The following SPTY2D1 variants were observed in gnomAD, a reference collection of about 807,000 sequenced individuals.
The protein encoded by SPTY2D1 is SPT2 chromatin protein domain containing 1.
SPTY2D1 carries 21 observed loss-of-function variants against 64.0 expected under a neutral mutation model. That is an observed-to-expected ratio of 0.33 (90% CI 0.23 to 0.47). The LOEUF is 0.47. Ranked by LOEUF, SPTY2D1 falls within the 20% of genes least tolerant of loss-of-function variation. SPTY2D1 has a pLI of 1.00. For missense variants in SPTY2D1, 724 were observed against 837.2 expected (o/e 0.86, Z 1.67); for synonymous variants, 287 against 286.8 (o/e 1.00, Z -0.01).
At chr11:18,632,080 A>G (rs866378742) in intron 1 of SPTY2D1, among the ~76,000 whole-genome samples, 3 of 151,710 alleles carry the variant, frequency 2.0e-5, no homozygotes, top group Admixed American at 2.0e-4. Context: ...CAGCAGGTGG[A>G]GGCTGCAGTG....
Position 18,624,705 on chromosome 11 carries a change from T to A in SPTY2D1, c.61-7716A>T, listed in dbSNP as rs768250000. Among the ~76,000 whole-genome samples the A allele has an allele frequency of 2.0e-5, 3 of 152,332 alleles. No individual in the cohort carries two copies. The East Asian group carries it at 5.8e-4, about 29-fold the overall frequency. On this transcript the variant is annotated intron_variant, in intron 1 of 5. Transcript: ENST00000336349. Reference sequence around the variant, plus strand: ...CTACTGTATGTTATGTTGGAATCGATAGTCAATCCCTGGCCAGGCGTGATG... The same window carrying A: ...CTACTGTATGTTATGTTGGAATCGAAAGTCAATCCCTGGCCAGGCGTGATG...
chr11:18,614,446 A>C (rs1854255157), intron 3 of SPTY2D1, 117 bp downstream of exon 3: 1 of 1,006,540 alleles, frequency 9.9e-7, no homozygotes, highest in African/African-American at 1.6e-5. Context: ...TTCTATCAAC[A>C]CTACAGCACA....
intron 5 of SPTY2D1, among the ~76,000 whole-genome samples, 189 bp downstream of exon 5, chr11:18,611,287 CA>C (rs1196835593): frequency 6.6e-6 from 1 of 151,860 alleles, no homozygotes; most frequent in East Asian, 1.9e-4. Flanking sequence ...TGTTAAAAAA[CA>C]AAAAAACAAA....
At chr11:18,618,273 T>G (rs1331172105) in intron 1 of SPTY2D1, among the ~76,000 whole-genome samples, 1 of 152,230 alleles carries the variant, frequency 6.6e-6, no homozygotes, top group Non-Finnish European at 1.5e-5. Context: ...GTAGCTCTTA[T>G]GTTCACTAAA....
intron 1 of SPTY2D1, among the ~76,000 whole-genome samples, chr11:18,625,707 C>T (rs1854484088): frequency 6.6e-6 from 1 of 151,690 alleles, no homozygotes; most frequent in Non-Finnish European, 1.5e-5. Context: ...ACTACAAGCA[C>T]ACACCACCAC....
At chr11:18,620,862 G>C (rs1306254881) in intron 1 of SPTY2D1, among the ~76,000 whole-genome samples, 1 of 147,602 alleles carries the variant, frequency 6.8e-6, no homozygotes, top group Admixed American at 6.8e-5. Flanking sequence ...ACTCCAGCCT[G>C]GGCAACAGAG....
intron 1 of SPTY2D1, among the ~76,000 whole-genome samples, chr11:18,623,170 A>C (rs1005942382): frequency 1.1e-4 from 17 of 152,188 alleles, no homozygotes; most frequent in Non-Finnish European, 2.4e-4. Flanking sequence ...AAGTTATCAC[A>C]AATTTAAAAA....
intron 1 of SPTY2D1, among the ~76,000 whole-genome samples, chr11:18,620,246 G>A (rs565899336): frequency 3.3e-5 from 5 of 152,196 alleles, no homozygotes; most frequent in East Asian, 1.9e-4. Flanking sequence ...AGGACAAGGC[G>A]GGCAGATCAC....
intron 1 of SPTY2D1, among the ~76,000 whole-genome samples, chr11:18,633,970 A>G (rs1301069228): frequency 6.6e-6 from 1 of 152,222 alleles, no homozygotes; most frequent in African/African-American, 2.4e-5. Flanking sequence ...TCCCTGTTGC[A>G]GGGGTAAATA....
At chr11:18,613,693 T>A (rs1007687384) in intron 3 of SPTY2D1, among the ~76,000 whole-genome samples, 7 of 152,210 alleles carry the variant, frequency 4.6e-5, no homozygotes, top group Non-Finnish European at 8.8e-5. Flanking sequence ...ATATTCTCCG[T>A]GGAGCCTAAC....
At position 18,608,719 on chromosome 11, in the gene SPTY2D1, G is replaced by A. The variant is rs1316581545; in HGVS notation, c.*1142C>T. On this transcript the variant is annotated 3_prime_UTR_variant, in exon 6 of 6. Transcript: ENST00000336349. ...GTCCATATTTATGACTTTAAAAAGG[G>A]TAAAAATGAGTTTCCACAGCTCAGT... 6.6e-6 allele frequency: 1 copy of A among 152,486 alleles called. No individual in the cohort carries two copies. The allele number at this position is 152,486 out of a possible 1,614,324, so 9.4% of individuals were successfully genotyped here. A position where few individuals can be genotyped will look rare whatever the true frequency, so the allele number is the denominator to read the frequency against.
chr11:18,628,229 TAA>T (rs747541476), intron 1 of SPTY2D1, among the ~76,000 whole-genome samples: 13 of 152,242 alleles, frequency 8.5e-5, no homozygotes, highest in Non-Finnish European at 1.8e-4. Flanking sequence ...CTTGCCTATA[TAA>T]AAGATTCTCA....
In SPTY2D1 at chr11:18,606,529, A is replaced by G. The variant is rs1277650336; in HGVS notation, c.*3332T>C. ...AGAAAACAAGCTAAGCTATCTAAAA[A>G]TTTTTTTAACTTGATTTGTCCATTG... On this transcript the variant is annotated 3_prime_UTR_variant, in exon 6 of 6. Coordinates refer to ENST00000336349, the MANE Select transcript of SPTY2D1 (RefSeq NM_194285.3). 1 of 201,940 alleles carries G rather than the reference A, an allele frequency of 5.0e-6. No homozygotes were observed. The highest frequency in any genetic ancestry group is 1.0e-5 in the Non-Finnish European group (1 of 99,080). The allele number at this position is 201,940 out of a possible 1,614,324, so 12.5% of individuals were successfully genotyped here. A position where few individuals can be genotyped will look rare whatever the true frequency, so the allele number is the denominator to read the frequency against.
chr11:18,627,178 C>T (rs532855438), intron 1 of SPTY2D1, among the ~76,000 whole-genome samples: 5 of 149,692 alleles, frequency 3.3e-5, no homozygotes, highest in East Asian at 3.9e-4. Flanking sequence ...TTTGGGAGGC[C>T]GAGGTGGGTG....
chr11:18,627,396 A>C (rs1854515118), intron 1 of SPTY2D1, among the ~76,000 whole-genome samples: 5 of 151,372 alleles, frequency 3.3e-5, no homozygotes, highest in Admixed American at 2.6e-4. Flanking sequence ...ATGCCATTGC[A>C]CTCCAGCCTG....
intron 1 of SPTY2D1, among the ~76,000 whole-genome samples, chr11:18,625,758 G>C (rs1323215894): frequency 2.5e-3 from 4 of 1,574 alleles, no homozygotes; most frequent in Non-Finnish European, 0.02. Flanking sequence ...GTAGAGATTG[G>C]GGGGGGGGTC....
rs912985904 is a variant in SPTY2D1 at position 18,614,711 on chromosome 11, C to T, written c.1563G>A (p.Gly521=). 1.2e-6 allele frequency: 2 copies of T among 1,614,224 alleles called. No homozygotes were observed. Among genetic ancestry groups the T allele is most frequent in the East Asian group, 2.2e-5 (1 of 44,880 alleles). ...PGRPVSSLGP[G]QTVSSSGPTI... is the part of the protein sequence containing the mutation. Reference sequence around the variant, plus strand: ...TGGGACCTGAGCTACTAACTGTTTGCCCAGGTCCCAAGCTGCTCACTGGTC... The same window carrying T: ...TGGGACCTGAGCTACTAACTGTTTGTCCAGGTCCCAAGCTGCTCACTGGTC... The change falls in exon 3 of 6, where the codon GGG becomes GGA. Residue 521 remains glycine, a synonymous_variant. Coordinates refer to ENST00000336349, the MANE Select transcript of SPTY2D1 (RefSeq NM_194285.3).
At chr11:18,632,337 T>C (rs989669611) in intron 1 of SPTY2D1, among the ~76,000 whole-genome samples, 1 of 152,080 alleles carries the variant, frequency 6.6e-6, no homozygotes, top group Admixed American at 6.6e-5. Flanking sequence ...ATAAAATATA[T>C]GGCTATATTA....
intron 1 of SPTY2D1, among the ~76,000 whole-genome samples, chr11:18,629,156 A>C (rs1854545727): frequency 6.6e-6 from 1 of 152,160 alleles, no homozygotes; most frequent in African/African-American, 2.4e-5. Flanking sequence ...TCACAGTCTC[A>C]CTGGGAGAAA....
Sources: allele counts gnomAD v4.1 joint callset (sites outside exome capture counted in the v4.1 genomes callset), GRCh38; gene constraint gnomAD v4.1.1; transcripts MANE v1.5; gene names NCBI Gene and HGNC (gene_info 2026-07-23, HGNC 2026-07-21).